Variants in CAMKMT observed in about 807,000 individuals in gnomAD.
CAMKMT encodes the protein CaM KMT.
In CAMKMT, 53 loss-of-function variants were observed where a neutral mutation model predicts 48.0. That is an observed-to-expected ratio of 1.10 (90% confidence interval 0.89 to 1.39). CAMKMT has a LOEUF of 1.39. Among genes scored for constraint, CAMKMT ranks in the 40% most tolerant of loss-of-function variants. The probability of loss-of-function intolerance (pLI) is 0.00; values close to 1 mark genes in which losing one functional copy is unlikely to be tolerated. For synonymous variants in CAMKMT, 165 were observed against 152.3 expected (o/e 1.08, Z -0.61); for missense variants, 428 against 402.7 (o/e 1.06, Z -0.54).
Position 44,716,257 on chromosome 2 carries a change from AT to A in CAMKMT, c.623+912del, listed in dbSNP as rs201914588. On this transcript the variant is annotated intron_variant, in intron 7 of 10. Coordinates refer to ENST00000378494, the MANE Select transcript of CAMKMT (RefSeq NM_024766.5). ...TTTCCCACCCCAACTTCCCAGTTTGATTTTTTTTATTAGTTATATAAACTAC... is the reference window on the plus strand; with the variant it reads ...TTTCCCACCCCAACTTCCCAGTTTGATTTTTTTATTAGTTATATAAACTAC... 5.1e-3 allele frequency among the ~76,000 whole-genome samples: 780 copies of A among 151,964 alleles called. 7 individuals carry two copies. Among genetic ancestry groups the A allele is most frequent in the African/African-American group, 0.018 (735 of 41,456 alleles).
At chr2:44,666,887 T>C (rs547939762) in intron 3 of CAMKMT, among the ~76,000 whole-genome samples, 6 of 152,144 alleles carry the variant, frequency 3.9e-5, no homozygotes, top group African/African-American at 4.8e-5. Context: ...GGATTACAGG[T>C]GTGAGCTACC....
chr2:44,640,769 A>G (rs1393792528), intron 3 of CAMKMT, among the ~76,000 whole-genome samples: 1 of 152,160 alleles, frequency 6.6e-6, no homozygotes, highest in African/African-American at 2.4e-5. Context: ...CTGTGTGGAG[A>G]GCATGCCCTC....
chr2:44,654,748 C>T (rs1674278093), intron 3 of CAMKMT, among the ~76,000 whole-genome samples: 1 of 152,182 alleles, frequency 6.6e-6, no homozygotes, highest in Non-Finnish European at 1.5e-5. Flanking sequence ...CTCCCGGCCT[C>T]GAGTGATCCA....
intron 3 of CAMKMT, chr2:44,549,414 G>A (rs1248362410): frequency 6.8e-6 from 4 of 586,488 alleles, no homozygotes; most frequent in Non-Finnish European, 1.2e-5. Flanking sequence ...CACCCCAAGG[G>A]AAGAGAAGAA....
At chr2:44,673,795 T>C (rs903689739) in intron 3 of CAMKMT, among the ~76,000 whole-genome samples, 1 of 152,130 alleles carries the variant, frequency 6.6e-6, no homozygotes, top group Non-Finnish European at 1.5e-5. Context: ...TCAACACTGA[T>C]GTGAGAAAGT....
intron 3 of CAMKMT, chr2:44,394,794 TTGTC>T (rs1681674994): frequency 4.4e-6 from 2 of 451,590 alleles, no homozygotes; most frequent in Non-Finnish European, 4.4e-6. Context: ...CAGAATCTGT[TTGTC>T]TGTTTGTGAT....
At chr2:44,715,130 G>A (rs1678102598) in intron 6 of CAMKMT, among the ~76,000 whole-genome samples, 157 bp from the exon 7 acceptor site, 1 of 150,800 alleles carries the variant, frequency 6.6e-6, no homozygotes, top group Admixed American at 6.6e-5. Flanking sequence ...GAGGTAGAGG[G>A]TGCAGTGAGC....
At chr2:44,637,465 A>G (rs190429443) in intron 3 of CAMKMT, among the ~76,000 whole-genome samples, 1 of 152,334 alleles carries the variant, frequency 6.6e-6, no homozygotes, top group Non-Finnish European at 1.5e-5. Context: ...TTAGTTTTAA[A>G]TAAATTAATC....
intron 1 of CAMKMT, among the ~76,000 whole-genome samples, chr2:44,363,149 C>G (rs1285675124): frequency 6.6e-6 from 1 of 152,144 alleles, no homozygotes; most frequent in African/African-American, 2.4e-5. Context: ...TTAAGTAGAT[C>G]ATCAGAGTTA....
chr2:44,472,114 C>T (rs1027945076), intron 3 of CAMKMT, among the ~76,000 whole-genome samples: 27 of 152,128 alleles, frequency 1.8e-4, no homozygotes, highest in East Asian at 5.8e-4. Context: ...TCTGTTGCCC[C>T]GGCTGGAGTG....
intron 3 of CAMKMT, among the ~76,000 whole-genome samples, chr2:44,630,662 G>A (rs1672759107): frequency 6.6e-6 from 1 of 151,772 alleles, no homozygotes; most frequent in African/African-American, 2.4e-5. Context: ...ACCATCACTG[G>A]CTATCAGAGA....
intron 3 of CAMKMT, among the ~76,000 whole-genome samples, chr2:44,500,386 C>G (rs1041003361): frequency 4.6e-5 from 7 of 152,028 alleles, no homozygotes; most frequent in African/African-American, 1.7e-4. Context: ...AAACATTGTT[C>G]TTTGAAAAAC....
At chr2:44,755,961 C>G (rs958906256) in intron 9 of CAMKMT, among the ~76,000 whole-genome samples, 1 of 152,198 alleles carries the variant, frequency 6.6e-6, no homozygotes, top group Non-Finnish European at 1.5e-5. Context: ...CACTTAGGCC[C>G]CTCTTGGAAT....
intron 3 of CAMKMT, among the ~76,000 whole-genome samples, chr2:44,522,244 A>T (rs965137755): frequency 4.6e-5 from 7 of 151,886 alleles, no homozygotes; most frequent in African/African-American, 9.7e-5. Flanking sequence ...TGACCTCGTG[A>T]TATGCTCGCC....
intron 3 of CAMKMT, among the ~76,000 whole-genome samples, chr2:44,689,529 G>A (rs1433726627): frequency 6.6e-6 from 1 of 152,014 alleles, no homozygotes; most frequent in Non-Finnish European, 1.5e-5. Context: ...TTGGGGGAAG[G>A]CATTACTTCC....
intron 3 of CAMKMT, among the ~76,000 whole-genome samples, chr2:44,477,867 GGCAGTA>G (rs1668767960): frequency 6.6e-6 from 1 of 152,176 alleles, no homozygotes. Context: ...ACAGGTGAAA[GGCAGTA>G]GTGTGAGAAC....
chr2:44,387,765 A>T (rs975941376), intron 2 of CAMKMT, among the ~76,000 whole-genome samples: 4 of 152,036 alleles, frequency 2.6e-5, no homozygotes, highest in Admixed American at 1.3e-4. Context: ...AAAAGACTGT[A>T]ATTTCCTTCA....
intron 3 of CAMKMT, among the ~76,000 whole-genome samples, chr2:44,403,277 T>C (rs1344196796): frequency 2.6e-5 from 4 of 152,144 alleles, no homozygotes; most frequent in Non-Finnish European, 5.9e-5. Flanking sequence ...CTCAACCCCC[T>C]GATTCAGTTA....
intron 3 of CAMKMT, among the ~76,000 whole-genome samples, chr2:44,558,974 T>C (rs1274956616): frequency 6.6e-6 from 1 of 150,694 alleles, no homozygotes; most frequent in East Asian, 1.9e-4. Context: ...TGTGTGTGTA[T>C]GTATGTATGG....
Sources: allele counts gnomAD v4.1 joint callset (sites outside exome capture counted in the v4.1 genomes callset), GRCh38; gene constraint gnomAD v4.1.1; transcripts MANE v1.5; gene names NCBI Gene and HGNC (gene_info 2026-07-23, HGNC 2026-07-21).